The following KLF12 variants were observed in gnomAD, a reference collection of about 807,000 sequenced individuals.
KLF12 encodes Krueppel-like factor 12.
KLF12 carries 9 observed loss-of-function variants against 37.8 expected under a neutral mutation model. The ratio of observed to expected loss-of-function variants is 0.24; its 90% CI spans 0.14 to 0.42. KLF12 has a LOEUF of 0.42. Ranked by LOEUF, KLF12 falls within the 10% of genes least tolerant of loss-of-function variation. KLF12 has a pLI of 1.00. For missense variants in KLF12, 411 were observed against 516.0 expected, an observed-to-expected ratio of 0.80 and a Z score of 1.97; for synonymous variants, 208 against 202.1, an observed-to-expected ratio of 1.03 and a Z score of -0.25.
intron 3 of KLF12, among the ~76,000 whole-genome samples, chr13:73,933,899 C>T (rs1454073183): frequency 1.3e-5 from 2 of 152,116 alleles, no homozygotes; most frequent in Non-Finnish European, 2.9e-5. Flanking sequence ...AAGTGTACAA[C>T]TCAGTAGTGT....
At chr13:73,793,656 G>A (rs1157844006) in intron 5 of KLF12, among the ~76,000 whole-genome samples, 1 of 151,900 alleles carries the variant, frequency 6.6e-6, no homozygotes, top group Non-Finnish European at 1.5e-5. Context: ...TTTTTATTGT[G>A]CCTCTTATAA....
intron 1 of KLF12, among the ~76,000 whole-genome samples, chr13:74,066,525 G>A (rs959162197): frequency 3.9e-5 from 6 of 151,982 alleles, no homozygotes; most frequent in South Asian, 2.1e-4. Context: ...TAGCCAACAC[G>A]CACCTGTAGT....
intron 1 of KLF12, among the ~76,000 whole-genome samples, chr13:74,114,114 A>G (rs1442292725): frequency 1.3e-5 from 2 of 152,172 alleles, no homozygotes; most frequent in African/African-American, 4.8e-5. Context: ...TCTTACAAAC[A>G]AAGTAAGTGG....
intron 3 of KLF12, among the ~76,000 whole-genome samples, chr13:73,891,176 A>G (rs945809314): frequency 6.6e-6 from 1 of 152,168 alleles, no homozygotes; most frequent in African/African-American, 2.4e-5. Flanking sequence ...ATTAGAAGTA[A>G]TGCACATATA....
intron 1 of KLF12, among the ~76,000 whole-genome samples, chr13:74,020,423 G>A (rs945795130): frequency 3.3e-5 from 5 of 152,124 alleles, no homozygotes; most frequent in East Asian, 1.9e-4. Context: ...GTCTTAGCAC[G>A]AATAGGAAGC....
chr13:74,231,978 T>TGG, the KLF12 span, among the ~76,000 whole-genome samples: 2 of 152,168 alleles, frequency 1.3e-5, no homozygotes, highest in Non-Finnish European at 2.9e-5. Context: ...AATTTAGTTT[T>TGG]GGGGGGTCTG....
chr13:74,048,473 A>T (rs1184192287), intron 1 of KLF12, among the ~76,000 whole-genome samples: 1 of 152,034 alleles, frequency 6.6e-6, no homozygotes, highest in East Asian at 1.9e-4. Flanking sequence ...TCACTGTAGT[A>T]TTTATGTTTT....
chr13:73,933,205 G>T (rs1332212532), intron 3 of KLF12, among the ~76,000 whole-genome samples: 1 of 152,048 alleles, frequency 6.6e-6, no homozygotes, highest in Non-Finnish European at 1.5e-5. Flanking sequence ...TTTTATCTCT[G>T]GTTATATTAT....
At chr13:73,936,124 G>C (rs188892008) in intron 3 of KLF12, among the ~76,000 whole-genome samples, 2 of 152,166 alleles carry the variant, frequency 1.3e-5, no homozygotes, top group East Asian at 1.9e-4. Context: ...TTAAAACTTG[G>C]TTATAAGTTC....
chr13:73,930,200 GA>G (rs1206695752), intron 3 of KLF12, among the ~76,000 whole-genome samples: 1 of 152,190 alleles, frequency 6.6e-6, no homozygotes, highest in Non-Finnish European at 1.5e-5. Context: ...GCAAGTGCCA[GA>G]AACTTGAATT....
chr13:73,763,925 A>G (rs1879732874), intron 6 of KLF12, among the ~76,000 whole-genome samples: 1 of 152,136 alleles, frequency 6.6e-6, no homozygotes, highest in African/African-American at 2.4e-5. Flanking sequence ...AATATTTAAC[A>G]ACATCGCCAA....
At chr13:73,879,777 T>C (rs996562463) in intron 3 of KLF12, among the ~76,000 whole-genome samples, 5 of 152,204 alleles carry the variant, frequency 3.3e-5, no homozygotes, top group African/African-American at 1.2e-4. Flanking sequence ...TTATAAATAG[T>C]GGACATGGAA....
chr13:74,298,261 A>C, the KLF12 span, among the ~76,000 whole-genome samples: 261 of 152,322 alleles, frequency 1.7e-3, no homozygotes, highest in African/African-American at 6.1e-3. Flanking sequence ...TGCCTGAAAG[A>C]CATTGGGTAA....
At chr13:73,773,995 C>A (rs889938725) in intron 5 of KLF12, among the ~76,000 whole-genome samples, 1 of 152,132 alleles carries the variant, frequency 6.6e-6, no homozygotes, top group Non-Finnish European at 1.5e-5. Context: ...TCATTCCCTG[C>A]ATTGCCCTTC....
At chr13:74,147,263 C>G in the KLF12 span, among the ~76,000 whole-genome samples, 1 of 151,900 alleles carries the variant, frequency 6.6e-6, no homozygotes, top group Non-Finnish European at 1.5e-5. Context: ...AACAAGTGCA[C>G]CCCTTCCTGG....
intron 3 of KLF12, among the ~76,000 whole-genome samples, chr13:73,855,587 CTT>C: frequency 6.6e-6 from 1 of 152,166 alleles, no homozygotes; most frequent in Admixed American, 6.5e-5. Context: ...GATAGAATGA[CTT>C]ATATTCCTTT....
intron 6 of KLF12, among the ~76,000 whole-genome samples, chr13:73,731,536 C>CG (rs558401102): frequency 9.7e-6 from 1 of 103,530 alleles, no homozygotes; most frequent in East Asian, 2.9e-4. Context: ...GGAAATTAGA[C>CG]AAAAAAAAAA....
upstream of KLF12, among the ~76,000 whole-genome samples, chr13:74,135,710 C>T (rs1298435132): frequency 6.6e-6 from 1 of 152,048 alleles, no homozygotes; most frequent in Non-Finnish European, 1.5e-5. Flanking sequence ...GCGCCCCCGG[C>T]CCGGCCCGCC....
chr13:74,001,198 T>C (rs962396118), intron 1 of KLF12, among the ~76,000 whole-genome samples: 4 of 152,196 alleles, frequency 2.6e-5, no homozygotes, highest in South Asian at 4.1e-4. Context: ...CATTTTTAAC[T>C]ATCATGCTGA....
Sources: allele counts gnomAD v4.1 joint callset (sites outside exome capture counted in the v4.1 genomes callset), GRCh38; gene constraint gnomAD v4.1.1; transcripts MANE v1.5; gene names NCBI Gene and HGNC (gene_info 2026-07-23, HGNC 2026-07-21).